The following ADCK5 variants were observed in gnomAD, a reference collection of about 807,000 sequenced individuals.
ADCK5 encodes uncharacterized aarF domain-containing protein kinase 5.
In ADCK5, 43 loss-of-function variants were observed where a neutral mutation model predicts 64.9. That is an observed-to-expected ratio of 0.66 (90% CI 0.52 to 0.85). The LOEUF (loss-of-function observed/expected upper bound fraction) is 0.85, where lower values mean the gene tolerates loss of function less well. Among genes scored for constraint, ADCK5 ranks in the 40% least tolerant of loss-of-function variants. ADCK5 has a pLI of 0.00. For missense variants in ADCK5, 760 were observed against 810.5 expected (o/e 0.94, Z 0.76); for synonymous variants, 434 against 342.8 (o/e 1.27, Z -2.94).
chr8:144,391,685 C>T lies in ADCK5; in HGVS notation c.904C>T (p.Arg302Cys), dbSNP rs1554860691. The T allele has an allele frequency of 1.3e-6, 2 of 1,540,998 alleles. No homozygotes were observed. Among genetic ancestry groups the T allele is most frequent in the Non-Finnish European group, 1.7e-6 (2 of 1,147,492 alleles). ...GCACTTCCCCTACGTCGTGGTGCCC[C>T]GCGTGCACTGGGACAAGTCCAGCAA... Reference protein sequence around the residue: ...LAHFPYVVVPRVHWDKSSKRV... With the variant: ...LAHFPYVVVPCVHWDKSSKRV... The change falls in exon 8 of 15, where the codon CGC becomes TGC. Residue 302 changes from arginine to cysteine, a missense_variant. Physicochemically the swap from Arg to Cys is radical, Grantham distance 180. Transcript: ENST00000308860.
At position 144,392,689 on chromosome 8, in the gene ADCK5, G is replaced by A; in HGVS notation, c.1512G>A (p.Met504Ile). 1.9e-6 allele frequency: 3 copies of A among 1,595,364 alleles called. No homozygotes were observed. The highest frequency in any genetic ancestry group is 2.6e-6 in the Non-Finnish European group (3 of 1,171,104). ...LGAPVDRYFL[M>I]AKRAVRGWSR... ...CCCCCGTGGACCGCTACTTCCTTATGGCTAAAAGGTCGGTGGCCCGAGGAG... is the reference window on the plus strand; with the variant it reads ...CCCCCGTGGACCGCTACTTCCTTATAGCTAAAAGGTCGGTGGCCCGAGGAG... Residue 504 changes from methionine to isoleucine, a missense_variant, in exon 13 of 15, where the codon ATG (methionine) becomes ATA (isoleucine). Physicochemically the swap from Met to Ile is conservative, Grantham distance 10. Coordinates refer to ENST00000308860, the MANE Select transcript of ADCK5 (RefSeq NM_174922.5).
At chr8:144,388,687 C>T (rs188407283) in intron 3 of ADCK5, among the ~76,000 whole-genome samples, 2,041 of 152,068 alleles carry the variant, frequency 0.013, 24 homozygotes, top group Non-Finnish European at 0.018. Flanking sequence ...ACGGCGTGAA[C>T]CTGGGAGGCG....
rs1171401054 is a variant in ADCK5, at chr8:144,384,637, A to T, written c.266+1407A>T. ...CCGCTGCAGTGCATGCAAGGGCCAC[A>T]CAGGGCTGCCAGCCACCGTCCCCTG... is the stretch of plus-strand genomic sequence containing the variant. On this transcript the variant is annotated intron_variant, in intron 3 of 14. Transcript: ENST00000308860. This position sits in a 1 kb window ranked among gnomAD's most constrained non-coding sequence, Gnocchi z 5.7. 6.6e-6 allele frequency among the ~76,000 whole-genome samples: 1 copy of T among 152,162 alleles called. No individual in the cohort carries two copies. The highest frequency in any genetic ancestry group is 1.5e-5 in the Non-Finnish European group (1 of 68,032).
rs991097436 is a variant in ADCK5 at position 144,376,684 on chromosome 8, G to C, written c.12+2577G>C. ...CAGTGGCTGGGATAGCCACCTGGAG[G>C]TAGCTCCCTTGCAGCCACTTACGAG... On this transcript the variant is annotated intron_variant, in intron 1 of 14. Transcript: ENST00000308860. The surrounding 1 kb of genome is among the most constrained non-coding windows in gnomAD (Gnocchi z 5.1). Among the ~76,000 whole-genome samples, 19 of 152,316 alleles carry C rather than the reference G, an allele frequency of 1.2e-4. No individual in the cohort carries two copies. The highest frequency in any genetic ancestry group is 4.3e-4 in the African/African-American group (18 of 41,582).
chr8:144,381,753 C>A lies in ADCK5; in HGVS notation c.117-1328C>A, dbSNP rs868945431. ...TGCACTCAGGATTATGGGCCGGGTG[C>A]AGAAACAGATGTGTGCTCAGGCCCC... On this transcript the variant is annotated intron_variant, in intron 2 of 14. Transcript: ENST00000308860. 4.4e-4 allele frequency among the ~76,000 whole-genome samples: 14 copies of A among 31,670 alleles called. No individual in the cohort carries two copies. In the South Asian group the frequency reaches 5.2e-3, roughly 12 times the overall value. The allele number at this position is 31,670 out of a possible 152,430, so 20.8% of individuals were successfully genotyped here. A position where few individuals can be genotyped will look rare whatever the true frequency, so the allele number is the denominator to read the frequency against.
intron 2 of ADCK5, among the ~76,000 whole-genome samples, chr8:144,381,404 T>C (rs1554858191): frequency 1.5e-4 from 17 of 110,974 alleles, no homozygotes; most frequent in African/African-American, 3.6e-4. Flanking sequence ...AGGCACCTGC[T>C]GCACTCAGGA....
At chr8:144,379,532 G>C in intron 2 of ADCK5, 42 bp downstream of exon 2, 1 of 1,484,734 alleles carries the variant, frequency 6.7e-7, no homozygotes, top group Non-Finnish European at 9.2e-7. Flanking sequence ...ACCCAGGCAG[G>C]CATGGATGGC....
chr8:144,383,005 G>C, intron 2 of ADCK5, 76 bp from the exon 3 acceptor site: 7 of 1,537,758 alleles, frequency 4.6e-6, no homozygotes, highest in Non-Finnish European at 6.1e-6. Context: ...CGTGGTGCTG[G>C]GGGAGGTGGG....
chr8:144,391,343 C>T lies in ADCK5; in HGVS notation c.685-18C>T, dbSNP rs1554860482. 9 of 1,612,606 alleles carry T rather than the reference C, an allele frequency of 5.6e-6. No homozygotes were observed. Among genetic ancestry groups the T allele is most frequent in the Middle Eastern group, 1.6e-4 (1 of 6,082 alleles). ...ACAGTGGGGCCCCAAGTTCTCACCA[C>T]ACCCTCGCCCAGTGCAGGTGCAGTA... On this transcript the variant is annotated intron_variant, in intron 6 of 14. Transcript: ENST00000308860.
Position 144,384,349 on chromosome 8 carries a change from A to G in ADCK5, c.266+1119A>G, listed in dbSNP as rs1819816994. Among the ~76,000 whole-genome samples the G allele has an allele frequency of 6.6e-6, 1 of 151,996 alleles. No individual in the cohort carries two copies. Among genetic ancestry groups the G allele is most frequent in the Non-Finnish European group, 1.5e-5 (1 of 68,008 alleles). On this transcript the variant is annotated intron_variant, in intron 3 of 14. Transcript: ENST00000308860. This position sits in a 1 kb window ranked among gnomAD's most constrained non-coding sequence, Gnocchi z 5.7. The stretch of plus-strand genomic sequence containing the variant: ...GCCTCGGCTTCTGGTGCCTTCAGAG[A>G]TTTCACCAGAAGTTTCACAGAAATT...
At position 144,391,594 on chromosome 8, in the gene ADCK5, C is replaced by G; in HGVS notation, c.813C>G (p.Thr271=). Residue 271 remains threonine, a synonymous_variant, in exon 8 of 15, where the codon ACC becomes ACG. Coordinates refer to ENST00000308860, the MANE Select transcript of ADCK5 (RefSeq NM_174922.5). ...CTGGCCCCCAGGACCTGAAGGGGAC[C>G]CTGGCCCAGGAGCTGGACTTCGAGA... is the stretch of plus-strand genomic sequence containing the variant. ...FSWVLQDLKG[T]LAQELDFENE... 6.3e-7 allele frequency: 1 copy of G among 1,576,754 alleles called. No individual in the cohort carries two copies. The highest frequency in any genetic ancestry group is 8.6e-7 in the Non-Finnish European group (1 of 1,166,706).
intron 12 of ADCK5, 29 bp from the exon 13 acceptor site, chr8:144,392,416 C>CCAACCCAACAA: frequency 7.5e-7 from 1 of 1,333,424 alleles, no homozygotes; most frequent in Non-Finnish European, 9.8e-7. Flanking sequence ...CTCAGAGCCC[C>CCAACCCAACAA]CTCCCTCCCT....
At chr8:144,391,327 C>A in intron 6 of ADCK5, 34 bp from the exon 7 acceptor site, 1 of 1,612,202 alleles carries the variant, frequency 6.2e-7, no homozygotes, top group Non-Finnish European at 8.5e-7. Context: ...CACAGTGGGG[C>A]CCCAAGTTCT....
chr8:144,379,617 T>G, intron 2 of ADCK5, 127 bp downstream of exon 2: 1 of 782,794 alleles, frequency 1.3e-6, no homozygotes, highest in East Asian at 3.0e-5. Flanking sequence ...CAAGGCAGGA[T>G]ATGTTTGCTC....
chr8:144,385,918 C>G (rs1158768578), intron 3 of ADCK5, among the ~76,000 whole-genome samples: 2 of 151,034 alleles, frequency 1.3e-5, no homozygotes, highest in African/African-American at 2.4e-5. Context: ...GAGCCAAGAT[C>G]ACGCCACTGC....
At chr8:144,392,415 C>CCCCA in intron 12 of ADCK5, 30 bp from the exon 13 acceptor site, 5 of 1,320,086 alleles carry the variant, frequency 3.8e-6, no homozygotes, top group South Asian at 1.5e-5. Flanking sequence ...ACTCAGAGCC[C>CCCCA]CCTCCCTCCC....
rs1554861594 is a variant in ADCK5 at position 144,392,843 on chromosome 8, C to T, written c.1588C>T (p.Arg530Cys). The T allele has an allele frequency of 1.3e-6, 2 of 1,593,838 alleles. No individual in the cohort carries two copies. The highest frequency in any genetic ancestry group is 2.3e-5 in the East Asian group (1 of 44,330). Residue 530 changes from arginine (R) to cysteine (C), a missense_variant, in exon 14 of 15, where the codon CGC becomes TGC. Transcript: ENST00000308860. ...GGGTGTCTACGGCACCAGCCTCCTG[C>T]GCCACGCCAAGGTCGTCTGGGAGAT... ...YRGVYGTSLL[R>C]HAKVVWEMLK...
In ADCK5 at chr8:144,392,477, C is replaced by G; in HGVS notation, c.1300C>G (p.Arg434Gly). 6.7e-7 allele frequency: 1 copy of G among 1,498,450 alleles called. No individual in the cohort carries two copies. The highest frequency in any genetic ancestry group is 8.9e-7 in the Non-Finnish European group (1 of 1,122,232). The allele number at this position is 1,498,450 out of a possible 1,614,324, so 92.8% of individuals were successfully genotyped here. ...YLLFAEMLMQRPVRLGQLWGS... is the reference protein window; with the variant it reads ...YLLFAEMLMQGPVRLGQLWGS... ...CCTGTTCGCCGAGATGCTCATGCAG[C>G]GCCCCGTGCGCCTGGGGCAGCTGTG... Residue 434 changes from arginine to glycine, a missense_variant, in exon 13 of 15, where the codon CGC becomes GGC. Physicochemically the swap from Arg to Gly is moderately radical, Grantham distance 125. This residue lies in a region of ADCK5 where 333 missense variants were observed against 292.0 expected (regional missense o/e 1.14). Transcript: ENST00000308860.
At chr8:144,388,689 T>A (rs1420022649) in intron 3 of ADCK5, among the ~76,000 whole-genome samples, 1 of 148,958 alleles carries the variant, frequency 6.7e-6, no homozygotes, top group East Asian at 2.0e-4. Flanking sequence ...GGCGTGAACC[T>A]GGGAGGCGGA....
Sources: gnomAD v4.1 joint callset for allele counts (sites outside exome capture counted in the v4.1 genomes callset) on GRCh38, gnomAD v4.1.1 for gene constraint, gnomAD v4.1.1 regional missense constraint, Gnocchi (gnomAD v3.1) non-coding constraint, MANE v1.5 for transcripts, NCBI Gene and HGNC (gene_info 2026-07-23, HGNC 2026-07-21) for gene names.